Variants in SLC6A11 observed in about 807,000 individuals in gnomAD.
The protein encoded by SLC6A11 is solute carrier family 6 member 11.
In SLC6A11, 25 loss-of-function variants were observed where a neutral mutation model predicts 74.8. The observed-to-expected ratio is 0.33, with a 90% CI of 0.24 to 0.47. SLC6A11 has a LOEUF of 0.47. Ranked by LOEUF, SLC6A11 falls within the 20% of genes least tolerant of loss-of-function variation. The pLI is 1.00. For synonymous variants in SLC6A11, 330 were observed against 330.2 expected, an observed-to-expected ratio of 1.00 and a Z score of 0.01; for missense variants, 574 against 837.0, an observed-to-expected ratio of 0.69 and a Z score of 3.88.
At chr3:10,889,049 T>C (rs1281854169) in intron 6 of SLC6A11, among the ~76,000 whole-genome samples, 1 of 152,168 alleles carries the variant, frequency 6.6e-6, no homozygotes, top group Non-Finnish European at 1.5e-5. Flanking sequence ...AACCCCCCTC[T>C]CCAAAATTGC....
At chr3:10,851,967 C>T (rs1414364621) in intron 5 of SLC6A11, among the ~76,000 whole-genome samples, 3 of 152,164 alleles carry the variant, frequency 2.0e-5, no homozygotes, top group East Asian at 3.9e-4. Context: ...ATCAGGAGCC[C>T]CACACAGAAA....
chr3:10,846,015 A>T (rs1383357806), intron 5 of SLC6A11, among the ~76,000 whole-genome samples: 1 of 152,212 alleles, frequency 6.6e-6, no homozygotes, highest in Non-Finnish European at 1.5e-5. Flanking sequence ...TCTGAGCCTC[A>T]CTTTCCTCTT....
chr3:10,884,336 A>C (rs771154664), intron 6 of SLC6A11, among the ~76,000 whole-genome samples: 5 of 152,154 alleles, frequency 3.3e-5, no homozygotes, highest in Non-Finnish European at 5.9e-5. Context: ...TTGTCTTTTA[A>C]TTTATCCAAT....
In SLC6A11 at chr3:10,934,109, C is replaced by G. The variant is rs772370091; in HGVS notation, c.1518C>G (p.Tyr506Ter). ...FYDNIEDMIGYRPPSLIKWCW... is the reference protein window; with the variant it reads ...FYDNIEDMIG ...ATAACATTGAAGACATGATTGGCTA[C>G]CGGCCACCGTCGCTCATTAAGTGGT... Residue 506 changes from tyrosine to a stop codon, truncating the protein, a stop_gained, in exon 12 of 14, where the codon TAC (tyrosine) becomes TAG (stop). Transcript: ENST00000254488. LOFTEE classifies it high-confidence loss of function. The G allele has an allele frequency of 1.2e-6, 2 of 1,613,638 alleles. No homozygotes were observed. Among genetic ancestry groups the G allele is most frequent in the African/African-American group, 2.7e-5 (2 of 74,904 alleles).
intron 6 of SLC6A11, among the ~76,000 whole-genome samples, chr3:10,906,612 T>C (rs1223612124): frequency 6.6e-6 from 1 of 152,106 alleles, no homozygotes; most frequent in Non-Finnish European, 1.5e-5. Flanking sequence ...AACCCCTAGG[T>C]AAGTGGGGGA....
rs1277230974 is a variant in SLC6A11 at position 10,918,462 on chromosome 3, G to A, written c.1120+9G>A. Reference sequence around the variant, plus strand: ...TGAGGTGGCAGAGTCAGGTAAGTTCGCCAAAGGTGGGGATGGAAAAGGCGG... The same window carrying A: ...TGAGGTGGCAGAGTCAGGTAAGTTCACCAAAGGTGGGGATGGAAAAGGCGG... On this transcript the variant is annotated intron_variant, in intron 8 of 13. Coordinates refer to ENST00000254488, the MANE Select transcript of SLC6A11 (RefSeq NM_014229.3). The surrounding 1 kb of genome is among the most constrained non-coding windows in gnomAD (Gnocchi z 4.5). 1.7e-5 allele frequency: 27 copies of A among 1,601,554 alleles called. No homozygotes were observed. The highest frequency in any genetic ancestry group is 2.2e-5 in the Non-Finnish European group (26 of 1,175,338).
chr3:10,934,239 G>C, intron 12 of SLC6A11, 73 bp downstream of exon 12: 1 of 1,047,398 alleles, frequency 9.5e-7, no homozygotes, highest in African/African-American at 1.6e-5. Flanking sequence ...TTTCCACTCC[G>C]TAGCCCCCAC....
chr3:10,871,267 A>C (rs1694825316), intron 5 of SLC6A11, among the ~76,000 whole-genome samples: 1 of 152,178 alleles, frequency 6.6e-6, no homozygotes, highest in Admixed American at 6.5e-5. Flanking sequence ...AATCACATCA[A>C]AGTGGCCCCA....
intron 7 of SLC6A11, among the ~76,000 whole-genome samples, chr3:10,913,595 G>T (rs767995576): frequency 2.6e-5 from 4 of 152,138 alleles, no homozygotes; most frequent in Non-Finnish European, 4.4e-5. Context: ...TCCCAACAAC[G>T]TATGATACAC....
Position 10,844,295 on chromosome 3 carries a change from C to G in SLC6A11, c.705C>G (p.Ala235=). The G allele has an allele frequency of 3.1e-6, 5 of 1,614,204 alleles. No individual in the cohort carries two copies. The highest frequency in any genetic ancestry group is 4.2e-6 in the Non-Finnish European group (5 of 1,180,026). ...RWELALCLLA[A]WTICYFCIWK... is the part of the protein sequence containing the mutation. The stretch of plus-strand genomic sequence containing the variant: ...AGCTGGCCTTGTGTCTCTTGGCAGC[C>G]TGGACCATCTGTTACTTCTGTATCT... The change falls in exon 5 of 14, where the codon GCC becomes GCG. Residue 235 remains alanine (A), a synonymous_variant. Transcript: ENST00000254488.
intron 7 of SLC6A11, among the ~76,000 whole-genome samples, chr3:10,917,688 C>A (rs1384304979): frequency 6.6e-6 from 1 of 152,152 alleles, no homozygotes; most frequent in African/African-American, 2.4e-5. Flanking sequence ...GGTGAGTCCC[C>A]CCGCTCCCAA....
intron 5 of SLC6A11, among the ~76,000 whole-genome samples, chr3:10,845,957 C>A (rs1028002711): frequency 6.6e-6 from 1 of 152,172 alleles, no homozygotes; most frequent in African/African-American, 2.4e-5. Flanking sequence ...ATTCAAACCC[C>A]AGGTCTGTCA....
At chr3:10,874,469 G>T (rs1195753119) in intron 5 of SLC6A11, among the ~76,000 whole-genome samples, 1 of 152,004 alleles carries the variant, frequency 6.6e-6, no homozygotes, top group Non-Finnish European at 1.5e-5. Context: ...CCCCTCTGTG[G>T]CCCACTCCTA....
chr3:10,884,754 C>A lies in SLC6A11; in HGVS notation c.891+9659C>A, dbSNP rs543984796. ...GGGCAGCTTTAATCTCCATTCAGCG[C>A]AGGAATCTTCTCTGTGGTAACCTTG... On this transcript the variant is annotated intron_variant, in intron 6 of 13. Coordinates refer to ENST00000254488, the MANE Select transcript of SLC6A11 (RefSeq NM_014229.3). 1.1e-4 allele frequency among the ~76,000 whole-genome samples: 16 copies of A among 152,308 alleles called. No individual in the cohort carries two copies. In the East Asian group the frequency reaches 3.1e-3, roughly 29 times the overall value.
At chr3:10,898,571 G>A (rs969283465) in intron 6 of SLC6A11, among the ~76,000 whole-genome samples, 13 of 152,176 alleles carry the variant, frequency 8.5e-5, no homozygotes, top group Admixed American at 5.2e-4. Flanking sequence ...CAAGAGTCAC[G>A]TTTGCTCCAG....
At chr3:10,879,489 G>GT (rs1208782975) in intron 6 of SLC6A11, among the ~76,000 whole-genome samples, 1 of 152,114 alleles carries the variant, frequency 6.6e-6, no homozygotes, top group Non-Finnish European at 1.5e-5. Context: ...TCTGCCAGTG[G>GT]TGATATGACC....
chr3:10,857,594 G>C (rs1357839281), intron 5 of SLC6A11, among the ~76,000 whole-genome samples: 1 of 152,130 alleles, frequency 6.6e-6, no homozygotes, highest in African/African-American at 2.4e-5. Context: ...GCCTTATCCT[G>C]AATCACAATT....
Position 10,844,463 on chromosome 3 carries a change from G to A in SLC6A11, c.756+117G>A, listed in dbSNP as rs1443954602. 5 of 1,267,266 alleles carry A rather than the reference G, an allele frequency of 3.9e-6. No individual in the cohort carries two copies. In the African/African-American group the frequency reaches 5.8e-5, roughly 15 times the overall value. The allele number at this position is 1,267,266 out of a possible 1,614,324, so 78.5% of individuals were successfully genotyped here. On this transcript the variant is annotated intron_variant, in intron 5 of 13. Transcript: ENST00000254488. The stretch of plus-strand genomic sequence containing the variant: ...AGGCCAGCACTTAAGTTGGGAGCGG[G>A]GAGGAACACTGGACCAGAGTGAGCT...
At chr3:10,862,592 G>C (rs541902559) in intron 5 of SLC6A11, among the ~76,000 whole-genome samples, 1 of 152,278 alleles carries the variant, frequency 6.6e-6, no homozygotes, top group African/African-American at 2.4e-5. Flanking sequence ...TCCCAACCTG[G>C]AGAACTCTGC....
Sources: allele counts gnomAD v4.1 joint callset (sites outside exome capture counted in the v4.1 genomes callset), GRCh38; gene constraint gnomAD v4.1.1; non-coding constraint Gnocchi (gnomAD v3.1); transcripts MANE v1.5; gene names NCBI Gene and HGNC (gene_info 2026-07-23, HGNC 2026-07-21).